Variants in SGCD observed in about 807,000 individuals in gnomAD.
SGCD encodes sarcoglycan delta.
A neutral mutation model predicts 36.6 loss-of-function variants in SGCD; 18 were observed. The observed-to-expected ratio is 0.49, with a 90% CI of 0.34 to 0.73. SGCD has a LOEUF of 0.73. SGCD is among the 30% of genes least tolerant of loss of function. The probability of loss-of-function intolerance (pLI) is 0.01; values close to 1 mark genes in which losing one functional copy is unlikely to be tolerated. For synonymous variants in SGCD, 133 were observed against 130.6 expected (o/e 1.02, Z -0.12); for missense variants, 387 against 346.7 (o/e 1.12, Z -0.92).
intron 3 of SGCD, among the ~76,000 whole-genome samples, chr5:156,142,694 A>G (rs1762608773): frequency 6.6e-6 from 1 of 152,184 alleles, no homozygotes; most frequent in South Asian, 2.1e-4. Context: ...TGAATTTGAC[A>G]GTGATGATTT....
intron 4 of SGCD, among the ~76,000 whole-genome samples, chr5:156,524,118 ATATATATAT>A: frequency 1.6e-5 from 1 of 64,242 alleles, no homozygotes; most frequent in Non-Finnish European, 3.5e-5. Flanking sequence ...ATATATATAT[ATATATATAT>A]ATATATATAT....
At chr5:156,564,087 G>A (rs1361719430) in intron 4 of SGCD, among the ~76,000 whole-genome samples, 1 of 152,180 alleles carries the variant, frequency 6.6e-6, no homozygotes, top group Non-Finnish European at 1.5e-5. Context: ...AAAAAAATAA[G>A]GAATAAACAA....
chr5:156,458,316 C>T (rs1754342992), intron 3 of SGCD: 1 of 890,646 alleles, frequency 1.1e-6, no homozygotes, highest in Non-Finnish European at 1.8e-6. Flanking sequence ...CACTTTGTAA[C>T]ATGTTTATTC....
At chr5:156,076,016 G>A (rs192357986) in intron 1 of SGCD, among the ~76,000 whole-genome samples, 32 of 152,074 alleles carry the variant, frequency 2.1e-4, no homozygotes, top group Admixed American at 1.2e-3. Context: ...TCCTTTTGAT[G>A]TGAAAAATAC....
At chr5:156,548,144 A>G (rs1369512915) in intron 4 of SGCD, among the ~76,000 whole-genome samples, 1 of 152,218 alleles carries the variant, frequency 6.6e-6, no homozygotes, top group Non-Finnish European at 1.5e-5. Context: ...TCTCTCCCAG[A>G]AACCACCAGG....
intron 1 of SGCD, among the ~76,000 whole-genome samples, chr5:155,886,495 C>CGCGCGCGCGCGTGCGTGTGTGTGT (rs1756004370): frequency 1.3e-5 from 2 of 151,008 alleles, no homozygotes; most frequent in African/African-American, 2.4e-5. Flanking sequence ...TGTGTGTGTG[C>CGCGCGCGCGCGTGCGTGTGTGTGT]GCGCACGCGC....
chr5:155,968,504 A>G (rs1431627997), intron 1 of SGCD, among the ~76,000 whole-genome samples: 1 of 152,150 alleles, frequency 6.6e-6, no homozygotes, highest in African/African-American at 2.4e-5. Flanking sequence ...CACCCCATGC[A>G]TATAACTTTT....
chr5:156,384,669 T>C (rs1771179834), intron 3 of SGCD, among the ~76,000 whole-genome samples: 1 of 139,474 alleles, frequency 7.2e-6, no homozygotes, highest in Non-Finnish European at 1.5e-5. Context: ...AAGATGTGCA[T>C]TTTTTTCCCC....
At chr5:156,674,196 G>A (rs751778232) in intron 7 of SGCD, among the ~76,000 whole-genome samples, 1 of 152,126 alleles carries the variant, frequency 6.6e-6, no homozygotes, top group Non-Finnish European at 1.5e-5. Context: ...GCCCACTTTT[G>A]GCATTTGAAA....
intron 1 of SGCD, among the ~76,000 whole-genome samples, chr5:155,972,557 A>T (rs1462952795): frequency 6.6e-6 from 1 of 152,124 alleles, no homozygotes; most frequent in Non-Finnish European, 1.5e-5. Flanking sequence ...GTGTTAGTAA[A>T]TGTTCATGAT....
At chr5:155,769,006 C>A in the SGCD span, among the ~76,000 whole-genome samples, 81 of 152,128 alleles carry the variant, frequency 5.3e-4, 1 homozygote, top group South Asian at 0.016. Flanking sequence ...CTGAAAATAT[C>A]CTAAATAACC....
At chr5:156,257,211 A>C (rs1269610174) in intron 3 of SGCD, among the ~76,000 whole-genome samples, 1 of 151,808 alleles carries the variant, frequency 6.6e-6, no homozygotes, top group Non-Finnish European at 1.5e-5. Flanking sequence ...GCAGTGGCTC[A>C]CGCCTGTAAT....
At chr5:156,017,621 G>T (rs1397415279) in intron 1 of SGCD, among the ~76,000 whole-genome samples, 1 of 151,910 alleles carries the variant, frequency 6.6e-6, no homozygotes. Flanking sequence ...TGATATGTAA[G>T]AAATTCAATG....
At chr5:156,207,203 T>A (rs1764303733) in intron 3 of SGCD, among the ~76,000 whole-genome samples, 1 of 152,120 alleles carries the variant, frequency 6.6e-6, no homozygotes, top group Non-Finnish European at 1.5e-5. Flanking sequence ...CAGAGGTCAC[T>A]GCATGTACAC....
chr5:156,010,254 A>G (rs369164913), intron 1 of SGCD, among the ~76,000 whole-genome samples: 12 of 152,354 alleles, frequency 7.9e-5, no homozygotes, highest in African/African-American at 2.9e-4. Context: ...TGTTGATTAA[A>G]TAACATCTTA....
chr5:155,811,166 C>T, the SGCD span, among the ~76,000 whole-genome samples: 1 of 152,030 alleles, frequency 6.6e-6, no homozygotes, highest in African/African-American at 2.4e-5. Flanking sequence ...GATTGCAGGT[C>T]CCAAGGAACT....
chr5:156,596,484 C>T (rs1760930999), intron 6 of SGCD, among the ~76,000 whole-genome samples: 2 of 152,096 alleles, frequency 1.3e-5, no homozygotes, highest in Admixed American at 6.6e-5. Context: ...TACTAAGTGT[C>T]CAATAAGTGC....
At chr5:156,698,172 A>T (rs1173411001) in intron 7 of SGCD, among the ~76,000 whole-genome samples, 1 of 152,150 alleles carries the variant, frequency 6.6e-6, no homozygotes, top group Non-Finnish European at 1.5e-5. Flanking sequence ...AAATGGCAGT[A>T]TGTGTAGGAC....
chr5:156,649,826 CGTT>C (rs1218282273), intron 7 of SGCD, among the ~76,000 whole-genome samples: 1 of 151,876 alleles, frequency 6.6e-6, no homozygotes, highest in Non-Finnish European at 1.5e-5. Context: ...CAAACCTGCA[CGTT>C]GTGCACATGT....
Sources: gnomAD v4.1 joint callset for allele counts (sites outside exome capture counted in the v4.1 genomes callset) on GRCh38, gnomAD v4.1.1 for gene constraint, MANE v1.5 for transcripts, NCBI Gene and HGNC (gene_info 2026-07-23, HGNC 2026-07-21) for gene names.